Variants in ANKRD13A observed in about 807,000 individuals in gnomAD.
ANKRD13A encodes the protein ankyrin repeat domain 13A.
In ANKRD13A, 48 loss-of-function variants were observed where a neutral mutation model predicts 81.3. That is an observed-to-expected ratio of 0.59 (90% CI 0.47 to 0.75). The LOEUF is 0.75. ANKRD13A is among the 30% of genes least tolerant of loss of function. The pLI, the probability that ANKRD13A is intolerant of heterozygous loss-of-function variation, is 0.00. For missense variants in ANKRD13A, 612 were observed against 734.0 expected (o/e 0.83, Z 1.92); for synonymous variants, 230 against 270.1 (o/e 0.85, Z 1.45).
intron 4 of ANKRD13A, among the ~76,000 whole-genome samples, chr12:110,017,639 A>C (rs1890860889): frequency 6.6e-6 from 1 of 152,256 alleles, no homozygotes; most frequent in East Asian, 1.9e-4. Context: ...TTTGTTAAAA[A>C]GTGGCATACT....
intron 1 of ANKRD13A, 110 bp from the exon 2 acceptor site, chr12:110,011,895 T>C: frequency 9.2e-7 from 1 of 1,090,154 alleles, no homozygotes; most frequent in Non-Finnish European, 1.3e-6. Flanking sequence ...TTGCTCTAAT[T>C]AATGCATAAA....
At chr12:110,030,312 A>G (rs1891603278) in intron 11 of ANKRD13A, among the ~76,000 whole-genome samples, 1 of 152,036 alleles carries the variant, frequency 6.6e-6, no homozygotes, top group Admixed American at 6.6e-5. Flanking sequence ...GATTATAGGC[A>G]TGCATCACCA....
chr12:110,036,830 C>T lies in ANKRD13A; in HGVS notation c.1577+502C>T, dbSNP rs1255567849. On this transcript the variant is annotated intron_variant, in intron 14 of 14. Coordinates refer to ENST00000261739, the MANE Select transcript of ANKRD13A (RefSeq NM_033121.2). The surrounding 1 kb of genome is among the most constrained non-coding windows in gnomAD (Gnocchi z 4.6). ...TATAATAACTCTAGACTCTTGATAG[C>T]AAGTTTCCAGGAATGGGTGATAGAA... is the stretch of plus-strand genomic sequence containing the variant. Among the ~76,000 whole-genome samples the T allele has an allele frequency of 3.9e-5, 6 of 152,084 alleles. No individual in the cohort carries two copies. In the East Asian group the frequency reaches 1.2e-3, roughly 29 times the overall value.
chr12:110,013,135 G>A lies in ANKRD13A; in HGVS notation c.240G>A (p.Glu80=). 1 of 1,614,024 alleles carries A rather than the reference G, an allele frequency of 6.2e-7. No individual in the cohort carries two copies. The highest frequency in any genetic ancestry group is 8.5e-7 in the Non-Finnish European group (1 of 1,179,986). ...CCTTTTGTTTTCTAGTTTTACATGA[G>A]GCTGTGAGCACTGGCGATCCTGAGA... The part of the protein sequence containing the change: ...ENRQGWTVLH[E]AVSTGDPEMV... The change falls in exon 3 of 15, where the codon GAG becomes GAA. Residue 80 remains glutamate, a synonymous_variant. Coordinates refer to ENST00000261739, the MANE Select transcript of ANKRD13A (RefSeq NM_033121.2).
At chr12:110,005,423 AC>A (rs2137080944) in intron 1 of ANKRD13A, among the ~76,000 whole-genome samples, 1 of 152,186 alleles carries the variant, frequency 6.6e-6, no homozygotes, top group African/African-American at 2.4e-5. Context: ...TAGCCACTGC[AC>A]CCACCCTGTA....
chr12:110,033,730 A>G, intron 12 of ANKRD13A, 67 bp from the exon 13 acceptor site: 2 of 1,430,948 alleles, frequency 1.4e-6, no homozygotes, highest in Non-Finnish European at 1.9e-6. Context: ...AATGTACAAC[A>G]TTTTTGCAAA....
In ANKRD13A at chr12:110,036,265, T is replaced by C. The variant is rs2287174; in HGVS notation, c.1514T>C (p.Leu505Pro). ...TATCACATTTGTCTTTGCCAGGAAC[T>C]TTCAGGACCAGCTTCGAATGGAGGG... ...SLLESSRSQE[L>P]SGPASNGGIS... Residue 505 changes from leucine (L) to proline (P), a missense_variant, in exon 14 of 15, where the codon CTT (leucine) becomes CCT (proline). Physicochemically the swap from Leu to Pro is moderately conservative, Grantham distance 98. Coordinates refer to ENST00000261739, the MANE Select transcript of ANKRD13A (RefSeq NM_033121.2). The surrounding 1 kb of genome is among the most constrained non-coding windows in gnomAD (Gnocchi z 4.6). The C allele has an allele frequency of 0.041, 65,945 of 1,613,790 alleles. 2,046 individuals carry two copies. The highest frequency in any genetic ancestry group is 0.16 in the African/African-American group (11,641 of 75,000).
At chr12:110,033,514 T>A (rs1444109796) in intron 12 of ANKRD13A, among the ~76,000 whole-genome samples, 1 of 152,238 alleles carries the variant, frequency 6.6e-6, no homozygotes, top group Non-Finnish European at 1.5e-5. Flanking sequence ...TTGGTGTGAC[T>A]GTGCGTATAT....
chr12:110,012,808 A>G (rs569627464), intron 2 of ANKRD13A, among the ~76,000 whole-genome samples: 47 of 152,336 alleles, frequency 3.1e-4, no homozygotes, highest in African/African-American at 1.1e-3. Context: ...TGCCAGGTCT[A>G]CATATAACCA....
Position 110,019,175 on chromosome 12 carries a change from A to G in ANKRD13A, c.581A>G (p.Asp194Gly). The G allele has an allele frequency of 3.1e-6, 5 of 1,609,224 alleles. No homozygotes were observed. Among genetic ancestry groups the G allele is most frequent in the Non-Finnish European group, 4.2e-6 (5 of 1,177,060 alleles). The change falls in exon 6 of 15, where the codon GAC becomes GGC. Residue 194 changes from aspartate (D) to glycine (G), a missense_variant. Transcript: ENST00000261739. ...GAGTTAATGGAAGTCAACCATGATG[A>G]CAAAGTGGTCACCACCGAACGCTTC... ...WAELMEVNHD[D>G]KVVTTERFDL...
At chr12:110,001,654 A>G (rs1377591999) in intron 1 of ANKRD13A, among the ~76,000 whole-genome samples, 3 of 152,014 alleles carry the variant, frequency 2.0e-5, no homozygotes, top group Non-Finnish European at 4.4e-5. Context: ...CCCTGGCCTC[A>G]AGCAATCCGC....
At chr12:110,006,009 G>A (rs1464721463) in intron 1 of ANKRD13A, among the ~76,000 whole-genome samples, 1 of 152,078 alleles carries the variant, frequency 6.6e-6, no homozygotes, top group Non-Finnish European at 1.5e-5. Context: ...TAGAGATGGG[G>A]TTTCACCATG....
intron 4 of ANKRD13A, among the ~76,000 whole-genome samples, chr12:110,017,825 G>A (rs567461510): frequency 3.3e-5 from 5 of 152,120 alleles, no homozygotes; most frequent in South Asian, 2.1e-4. Context: ...CCAGCTACTC[G>A]GGAAGCTAAG....
chr12:110,033,093 A>C (rs1230858698), intron 12 of ANKRD13A, among the ~76,000 whole-genome samples: 1 of 140,006 alleles, frequency 7.1e-6, no homozygotes, highest in Non-Finnish European at 1.5e-5. Context: ...TTACTCTGTC[A>C]CCCAGGCTGG....
intron 12 of ANKRD13A, among the ~76,000 whole-genome samples, chr12:110,032,091 A>C (rs1891728760): frequency 6.6e-6 from 1 of 152,090 alleles, no homozygotes; most frequent in African/African-American, 2.4e-5. Flanking sequence ...CATCTAGTAC[A>C]ATGTTGAGTA....
At chr12:110,028,814 T>G (rs1338414328) in intron 10 of ANKRD13A, 172 bp downstream of exon 10, 1 of 716,236 alleles carries the variant, frequency 1.4e-6, no homozygotes, top group Non-Finnish European at 2.1e-6. Context: ...CTCGGCTCAC[T>G]GCAACCTCTG....
Position 110,012,041 on chromosome 12 carries a change from T to C in ANKRD13A, c.133T>C (p.Leu45=). ...EAVDPRGRTL[L]HLAVSLGHLE... ...TGTGGACCCACGAGGTCGAACATTA[T>C]TGCATCTTGCTGTTTCCTTGGGACA... The change falls in exon 2 of 15, where the codon TTG becomes CTG. Residue 45 remains leucine (L), a synonymous_variant. Coordinates refer to ENST00000261739, the MANE Select transcript of ANKRD13A (RefSeq NM_033121.2). 1 of 1,612,818 alleles carries C rather than the reference T, an allele frequency of 6.2e-7. No homozygotes were observed. Among genetic ancestry groups the C allele is most frequent in the Admixed American group, 1.7e-5 (1 of 60,018 alleles).
intron 14 of ANKRD13A, 32 bp from the exon 15 acceptor site, chr12:110,037,327 G>A: frequency 6.3e-7 from 1 of 1,593,912 alleles, no homozygotes; most frequent in Non-Finnish European, 8.6e-7. Flanking sequence ...TGATAGTAGT[G>A]ACTCTCCCTT....
chr12:110,026,809 G>A (rs1891369374), intron 8 of ANKRD13A, among the ~76,000 whole-genome samples: 1 of 152,048 alleles, frequency 6.6e-6, no homozygotes, highest in Non-Finnish European at 1.5e-5. Flanking sequence ...TTGAACCCCA[G>A]AGGTGGAGGT....
Sources: allele counts gnomAD v4.1 joint callset (sites outside exome capture counted in the v4.1 genomes callset), GRCh38; gene constraint gnomAD v4.1.1; non-coding constraint Gnocchi (gnomAD v3.1); transcripts MANE v1.5; gene names NCBI Gene and HGNC (gene_info 2026-07-23, HGNC 2026-07-21).